Variants in SPAG17 observed in about 807,000 individuals in gnomAD.
SPAG17 encodes the protein sperm associated antigen 17, also known as sperm-associated antigen 17.
A neutral mutation model predicts 273.6 loss-of-function variants in SPAG17; 169 were observed. That is an observed-to-expected ratio of 0.62 (90% CI 0.55 to 0.70). The LOEUF (loss-of-function observed/expected upper bound fraction) is 0.70. Ranked by LOEUF, SPAG17 falls within the 30% of genes least tolerant of loss-of-function variation. The pLI is 0.00. For synonymous variants in SPAG17, 825 were observed against 873.2 expected (o/e 0.94, Z 0.97); for missense variants, 2,557 against 2,627.8 (o/e 0.97, Z 0.59).
intron 20 of SPAG17, among the ~76,000 whole-genome samples, chr1:118,051,038 C>A (rs771201626): frequency 8.6e-5 from 13 of 152,032 alleles, no homozygotes; most frequent in Admixed American, 6.5e-5. Flanking sequence ...GAACTCAACT[C>A]AGTAGCAAGG....
intron 3 of SPAG17, among the ~76,000 whole-genome samples, chr1:118,143,005 T>C (rs1204930328): frequency 6.6e-6 from 1 of 152,198 alleles, no homozygotes; most frequent in Non-Finnish European, 1.5e-5. Context: ...AGAAAAGACA[T>C]GGTCACTTAA....
At chr1:117,981,176 A>ACCTCTCAAC in intron 43 of SPAG17, 94 bp downstream of exon 43, 2 of 1,361,470 alleles carry the variant, frequency 1.5e-6, no homozygotes, top group Non-Finnish European at 1.9e-6. Flanking sequence ...TTTTTCTGTA[A>ACCTCTCAAC]CTCTCAACCT....
intron 1 of SPAG17, among the ~76,000 whole-genome samples, chr1:118,174,244 A>G (rs879485356): frequency 2.0e-5 from 3 of 152,200 alleles, no homozygotes; most frequent in Non-Finnish European, 2.9e-5. Context: ...AGAAACTGAC[A>G]TATGAATAAA....
chr1:118,182,181 T>A (rs1325347481), intron 1 of SPAG17, among the ~76,000 whole-genome samples: 1 of 151,980 alleles, frequency 6.6e-6, no homozygotes, highest in Non-Finnish European at 1.5e-5. Flanking sequence ...TAAGTAAAAA[T>A]AAGAGTCACA....
chr1:118,107,507 C>T (rs537083805), intron 4 of SPAG17, among the ~76,000 whole-genome samples: 7 of 152,216 alleles, frequency 4.6e-5, no homozygotes, highest in Non-Finnish European at 8.8e-5. Flanking sequence ...TTACCTCCCC[C>T]ACCTTCGCAA....
chr1:117,987,811 T>C (rs1280222973), intron 40 of SPAG17, 23 bp downstream of exon 40: 1 of 1,613,272 alleles, frequency 6.2e-7, no homozygotes. Context: ...CAGGTCCTTA[T>C]GTGCGTTTTG....
At chr1:118,023,869 A>T (rs1647401339) in intron 27 of SPAG17, among the ~76,000 whole-genome samples, 2 of 152,054 alleles carry the variant, frequency 1.3e-5, no homozygotes, top group Non-Finnish European at 1.5e-5. Context: ...GTTTCTATTA[A>T]TATCTATCTA....
rs555948418 is a variant in SPAG17 at position 118,081,061 on chromosome 1, A to G, written c.2209+40T>C. ...TATGTGTACTATAATAGTGTCTTAC[A>G]CACACACACACACACACACACACAC... is the stretch of plus-strand genomic sequence containing the variant. On this transcript the variant is annotated intron_variant, in intron 15 of 48. Coordinates refer to ENST00000336338, the MANE Select transcript of SPAG17 (RefSeq NM_206996.4). The G allele has an allele frequency of 2.7e-3, 632 of 230,406 alleles. 1 individual carries two copies. Among genetic ancestry groups the G allele is most frequent in the South Asian group, 0.025 (401 of 16,048 alleles). 14.3% of individuals were successfully genotyped at this position (230,406 alleles called of 1,614,324 possible). A position where few individuals can be genotyped will look rare whatever the true frequency, so the allele number is the denominator to read the frequency against.
At position 118,066,883 on chromosome 1, in the gene SPAG17, T is replaced by C. The variant is rs748554068; in HGVS notation, c.2402A>G (p.His801Arg). Reference sequence around the variant, plus strand: ...AGAATCAACACACCTATATTGCTTATGGGCTTCTTGAAGGACCTGAAAATC... The same window carrying C: ...AGAATCAACACACCTATATTGCTTACGGGCTTCTTGAAGGACCTGAAAATC... ...KVLLQVLQEA[H>R]KQYRCVDSYY... The change falls in exon 18 of 49, where the codon CAT becomes CGT. Residue 801 changes from histidine to arginine, a missense_variant. Coordinates refer to ENST00000336338, the MANE Select transcript of SPAG17 (RefSeq NM_206996.4). 1.2e-6 allele frequency: 2 copies of C among 1,603,042 alleles called. No homozygotes were observed. The highest frequency in any genetic ancestry group is 2.7e-5 in the African/African-American group (2 of 74,196).
intron 3 of SPAG17, among the ~76,000 whole-genome samples, chr1:118,139,873 T>C (rs932266136): frequency 7.9e-5 from 12 of 152,170 alleles, no homozygotes; most frequent in Admixed American, 7.9e-4. Context: ...ATCCCCATTG[T>C]GGCAGTATGA....
At chr1:118,072,736 C>T (rs1571410120) in intron 17 of SPAG17, among the ~76,000 whole-genome samples, 1 of 152,118 alleles carries the variant, frequency 6.6e-6, no homozygotes. Context: ...GAATACTTAT[C>T]TAACCAAAAA....
At chr1:117,991,338 T>C in intron 37 of SPAG17, 77 bp downstream of exon 37, 1 of 868,712 alleles carries the variant, frequency 1.2e-6, no homozygotes, top group Non-Finnish European at 1.7e-6. Flanking sequence ...AAGCAGCTAT[T>C]TCTTACGATA....
chr1:118,157,874 A>G (rs1659727943), intron 1 of SPAG17, among the ~76,000 whole-genome samples: 1 of 152,194 alleles, frequency 6.6e-6, no homozygotes, highest in African/African-American at 2.4e-5. Context: ...CCATCCTTAA[A>G]GATATTATTT....
chr1:117,980,784 A>G (rs1359644676), intron 43 of SPAG17, among the ~76,000 whole-genome samples: 1 of 152,194 alleles, frequency 6.6e-6, no homozygotes, highest in Non-Finnish European at 1.5e-5. Context: ...ATCCTGTATT[A>G]TTTTATATTT....
intron 25 of SPAG17, among the ~76,000 whole-genome samples, chr1:118,030,586 C>T (rs1443554767): frequency 6.6e-6 from 1 of 152,060 alleles, no homozygotes; most frequent in Non-Finnish European, 1.5e-5. Context: ...TGCTCTCCTG[C>T]TCCTTGCCCT....
intron 29 of SPAG17, among the ~76,000 whole-genome samples, chr1:118,015,411 T>C: frequency 6.6e-6 from 1 of 152,194 alleles, no homozygotes; most frequent in East Asian, 1.9e-4. Context: ...AATAAAGTTT[T>C]TGTAAAGTTT....
intron 40 of SPAG17, among the ~76,000 whole-genome samples, 174 bp from the exon 41 acceptor site, chr1:117,984,956 T>C (rs1557867573): frequency 6.6e-6 from 1 of 152,234 alleles, no homozygotes; most frequent in Non-Finnish European, 1.5e-5. Context: ...TTTTCTCTTC[T>C]TTTAGAATCA....
intron 30 of SPAG17, 99 bp downstream of exon 30, chr1:118,012,129 A>C (rs1440107048): frequency 1.6e-6 from 2 of 1,217,948 alleles, no homozygotes; most frequent in Non-Finnish European, 2.2e-6. Flanking sequence ...CCAAAAAATT[A>C]TTTTTCTTAT....
At chr1:118,133,316 T>G (rs1658158903) in intron 3 of SPAG17, among the ~76,000 whole-genome samples, 1 of 150,914 alleles carries the variant, frequency 6.6e-6, no homozygotes, top group African/African-American at 2.4e-5. Flanking sequence ...GGAGAGAGAG[T>G]TTATCGTTGA....
Sources: allele counts gnomAD v4.1 joint callset (sites outside exome capture counted in the v4.1 genomes callset), GRCh38; gene constraint gnomAD v4.1.1; transcripts MANE v1.5; gene names NCBI Gene and HGNC (gene_info 2026-07-23, HGNC 2026-07-21).